Variants in KLK11 observed in about 807,000 individuals in gnomAD.
The protein encoded by KLK11 is kallikrein related peptidase 11, also known as kallikrein-11.
In KLK11, 10 loss-of-function variants were observed where a neutral mutation model predicts 23.4. The observed-to-expected ratio is 0.43, with a 90% CI of 0.26 to 0.73. The LOEUF is 0.73. KLK11 is among the 30% of genes least tolerant of loss of function. KLK11 has a pLI of 0.22. For missense variants in KLK11, 285 were observed against 327.8 expected, an observed-to-expected ratio of 0.87 and a Z score of 1.01; for synonymous variants, 131 against 131.7, an observed-to-expected ratio of 0.99 and a Z score of 0.03.
rs754022381 is a variant in KLK11, at chr19:51,025,326, G to A, written c.40+266C>T. On this transcript the variant is annotated intron_variant, in intron 2 of 5. Transcript: ENST00000453757. The surrounding 1 kb of genome is among the most constrained non-coding windows in gnomAD (Gnocchi z 6.2). ...TGGTTGGTCAGTAGCCCCTGTCCTG[G>A]GCGCTTTGAGTGACTGCTCCCCCAA... Among the ~76,000 whole-genome samples the A allele has an allele frequency of 6.6e-6, 1 of 151,378 alleles. No individual in the cohort carries two copies. The highest frequency in any genetic ancestry group is 1.5e-5 in the Non-Finnish European group (1 of 67,910).
intron 5 of KLK11, 69 bp downstream of exon 5, chr19:51,023,023 G>A: frequency 6.6e-7 from 1 of 1,511,566 alleles, no homozygotes; most frequent in Non-Finnish European, 9.0e-7. Flanking sequence ...GGATGAAATT[G>A]TGGATGTCGG....
intron 1 of KLK11, among the ~76,000 whole-genome samples, chr19:51,026,307 C>T (rs1476947431): frequency 1.3e-5 from 2 of 151,732 alleles, no homozygotes; most frequent in Non-Finnish European, 2.9e-5. Context: ...CCCTGGCCAG[C>T]GGGGGTGGGA....
Position 51,022,553 on chromosome 19 carries a change from T to C in KLK11, c.745A>G (p.Asn249Asp), listed in dbSNP as rs2091416315. ...TGGTGGGTGGGTCCAGTCTAATTGT[T>C]CTTCATCGTCTCCTGGATCCAGTCC... Reference protein sequence around the residue: ...YVDWIQETMKNN With the variant: ...YVDWIQETMKDN The change falls in exon 6 of 6, where the codon AAC becomes GAC. Residue 249 changes from asparagine (N) to aspartate (D), a missense_variant. Asn to Asp is a conservative substitution (Grantham distance 23, BLOSUM62 1). Coordinates refer to ENST00000453757, the MANE Select transcript of KLK11 (RefSeq NM_001136032.3). The C allele has an allele frequency of 1.2e-6, 2 of 1,613,952 alleles. No individual in the cohort carries two copies. The highest frequency in any genetic ancestry group is 2.7e-5 in the African/African-American group (2 of 74,904).
At position 51,024,582 on chromosome 19, in the gene KLK11, T is replaced by C. The variant is rs1375020501; in HGVS notation, c.197+56A>G. ...ACCCCTATCCCTGAGCTTCTCTCCA[T>C]CCATCTCCCCATTCCCAGCCCCCCA... is the stretch of plus-strand genomic sequence containing the variant. On this transcript the variant is annotated intron_variant, in intron 3 of 5. Coordinates refer to ENST00000453757, the MANE Select transcript of KLK11 (RefSeq NM_001136032.3). The surrounding 1 kb of genome is among the most constrained non-coding windows in gnomAD (Gnocchi z 6.2). 1.4e-6 allele frequency: 2 copies of C among 1,436,980 alleles called. No homozygotes were observed. The highest frequency in any genetic ancestry group is 1.8e-6 in the Non-Finnish European group (2 of 1,087,940). The allele number at this position is 1,436,980 out of a possible 1,614,324, so 89.0% of individuals were successfully genotyped here.
In KLK11 at chr19:51,025,642, G is replaced by A. The variant is rs368774258; in HGVS notation, c.-11C>T. ...CTGCAGAATCCTCATGGCCTGGAGG[G>A]GGGAGGAGCGGGCCCCAGGTTCCTC... On this transcript the variant is annotated 5_prime_UTR_variant, in exon 2 of 6. Transcript: ENST00000453757. This position sits in a 1 kb window ranked among gnomAD's most constrained non-coding sequence, Gnocchi z 6.2. The A allele has an allele frequency of 1.6e-4, 247 of 1,585,380 alleles. No homozygotes were observed. Among genetic ancestry groups the A allele is most frequent in the Non-Finnish European group, 1.8e-4 (211 of 1,165,844 alleles).
Position 51,024,004 on chromosome 19 carries a change from T to C in KLK11, c.463+41A>G. 2.1e-6 allele frequency: 3 copies of C among 1,451,928 alleles called. No individual in the cohort carries two copies. Among genetic ancestry groups the C allele is most frequent in the Non-Finnish European group, 2.8e-6 (3 of 1,087,956 alleles). 89.9% of individuals were successfully genotyped at this position (1,451,928 alleles called of 1,614,324 possible). On this transcript the variant is annotated intron_variant, in intron 4 of 5. Coordinates refer to ENST00000453757, the MANE Select transcript of KLK11 (RefSeq NM_001136032.3). The surrounding 1 kb of genome is among the most constrained non-coding windows in gnomAD (Gnocchi z 6.2). ...CCCTTCCACAATCCTGACCACTCCCTCCTCACCACCCCCTGCCAGGTTCCC... is the reference window on the plus strand; with the variant it reads ...CCCTTCCACAATCCTGACCACTCCCCCCTCACCACCCCCTGCCAGGTTCCC...
rs2091488587 is a variant in KLK11, at chr19:51,026,543, C to A, written c.-41G>T. The A allele has an allele frequency of 8.1e-6, 8 of 986,030 alleles. No individual in the cohort carries two copies. The South Asian group carries it at 2.8e-4, about 35-fold the overall frequency. The allele number at this position is 986,030 out of a possible 1,614,324, so 61.1% of individuals were successfully genotyped here. On this transcript the variant is annotated 5_prime_UTR_variant, in exon 1 of 6. Coordinates refer to ENST00000453757, the MANE Select transcript of KLK11 (RefSeq NM_001136032.3). Reference sequence around the variant, plus strand: ...CCCTTTCCTCCTGGACTCACAGGCTCTGGGGCTGGGGCTCTGGGGGCCCAG... The same window carrying A: ...CCCTTTCCTCCTGGACTCACAGGCTATGGGGCTGGGGCTCTGGGGGCCCAG...
chr19:51,026,268 G>A (rs887419382), intron 1 of KLK11, among the ~76,000 whole-genome samples: 5 of 152,048 alleles, frequency 3.3e-5, no homozygotes, highest in African/African-American at 1.2e-4. Context: ...GGCGGGGCTG[G>A]TCGAGGGGAG....
At position 51,025,719 on chromosome 19, in the gene KLK11, G is replaced by C. The variant is rs145926421; in HGVS notation, c.-35-53C>G. 238 of 716,400 alleles carry C rather than the reference G, an allele frequency of 3.3e-4. No individual in the cohort carries two copies. The highest frequency in any genetic ancestry group is 1.3e-3 in the African/African-American group (73 of 55,084). The allele number at this position is 716,400 out of a possible 1,614,324, so 44.4% of individuals were successfully genotyped here. ...CATCACTTTACGGGGAAATCGGGAG[G>C]GGGGGGCTGGCTCATGCCCTCTCCT... On this transcript the variant is annotated intron_variant, in intron 1 of 5. Transcript: ENST00000453757. The surrounding 1 kb of genome is among the most constrained non-coding windows in gnomAD (Gnocchi z 6.2).
chr19:51,027,471 C>T (rs775283417), upstream of KLK11: 18 of 1,613,948 alleles, frequency 1.1e-5, no homozygotes, highest in Non-Finnish European at 1.5e-5. Context: ...TGCTGTGAGA[C>T]CTCTGCCCGA....
Position 51,022,684 on chromosome 19 carries a change from C to T in KLK11, c.614G>A (p.Gly205Asp), listed in dbSNP as rs201449261. ...AAGAGACTGGTTACAGACCAGAGGG[C>T]CCCCGGAGTCACCCTGGGCACGGGG... The part of the protein sequence containing the change: ...GKDSCQGDSG[G>D]PLVCNQSLQG... The change falls in exon 6 of 6, where the codon GGC becomes GAC. Residue 205 changes from glycine (G) to aspartate (D), a missense_variant. By Grantham distance (94) the Gly-to-Asp change is moderately conservative. Transcript: ENST00000453757. 1.2e-6 allele frequency: 2 copies of T among 1,612,906 alleles called. No homozygotes were observed. The highest frequency in any genetic ancestry group is 1.7e-5 in the Admixed American group (1 of 60,018).
Position 51,023,162 on chromosome 19 carries a change from G to T in KLK11, c.530C>A (p.Ala177Asp). ...GGTGTCTGTGATGTTGCCGGGGTAG[G>T]CGTTCTCACACTTCTGGTGCTCAAT... Reference protein sequence around the residue: ...TIIEHQKCENAYPGNITDTMV... With the variant: ...TIIEHQKCENDYPGNITDTMV... The change falls in exon 5 of 6, where the codon GCC becomes GAC. Residue 177 changes from alanine to aspartate, a missense_variant. Physicochemically the swap from Ala to Asp is moderately radical, Grantham distance 126 (BLOSUM62 -2). Transcript: ENST00000453757. 3.7e-6 allele frequency: 6 copies of T among 1,613,706 alleles called. No individual in the cohort carries two copies. The highest frequency in any genetic ancestry group is 5.1e-6 in the Non-Finnish European group (6 of 1,179,892).
chr19:51,025,504 C>T lies in KLK11; in HGVS notation c.40+88G>A. ...TATGGGTTGTTCTGTAATTTGGAATCAGCCCTGTCACTGTCCAGACACAGA... is the reference window on the plus strand; with the variant it reads ...TATGGGTTGTTCTGTAATTTGGAATTAGCCCTGTCACTGTCCAGACACAGA... On this transcript the variant is annotated intron_variant, in intron 2 of 5. Transcript: ENST00000453757. This position sits in a 1 kb window ranked among gnomAD's most constrained non-coding sequence, Gnocchi z 6.2. 1.2e-6 allele frequency: 1 copy of T among 852,942 alleles called. No homozygotes were observed. Among genetic ancestry groups the T allele is most frequent in the Non-Finnish European group, 1.7e-6 (1 of 573,016 alleles). The allele number at this position is 852,942 out of a possible 1,614,324, so 52.8% of individuals were successfully genotyped here.
chr19:51,022,922 G>A (rs189395137), intron 5 of KLK11, among the ~76,000 whole-genome samples, 170 bp downstream of exon 5: 2 of 152,256 alleles, frequency 1.3e-5, no homozygotes, highest in East Asian at 3.9e-4. Flanking sequence ...GTGTGGAAAC[G>A]GGGATGGAGC....
chr19:51,025,478 T>C lies in KLK11; in HGVS notation c.40+114A>G. The C allele has an allele frequency of 1.6e-6, 1 of 634,262 alleles. No individual in the cohort carries two copies. Among genetic ancestry groups the C allele is most frequent in the Non-Finnish European group, 2.6e-6 (1 of 385,916 alleles). The allele number at this position is 634,262 out of a possible 1,614,324, so 39.3% of individuals were successfully genotyped here. On this transcript the variant is annotated intron_variant, in intron 2 of 5. Transcript: ENST00000453757. This position sits in a 1 kb window ranked among gnomAD's most constrained non-coding sequence, Gnocchi z 6.2. ...TGACCACTGCTCCAGTTCAGGTGCC[T>C]TATGGGTTGTTCTGTAATTTGGAAT...
At chr19:51,026,761 T>A, upstream of KLK11, 2 of 194,728 alleles carry the variant, frequency 1.0e-5, no homozygotes, top group Non-Finnish European at 1.9e-5. Flanking sequence ...TCTGAGGCAC[T>A]GGCTGCCTGC....
intron 4 of KLK11, 65 bp downstream of exon 4, chr19:51,023,980 C>G: frequency 1.5e-5 from 19 of 1,300,588 alleles, no homozygotes; most frequent in Non-Finnish European, 1.8e-5. Flanking sequence ...TGCCCTGAAC[C>G]CTTCCACAAT....
chr19:51,026,486 A>G, intron 1 of KLK11, 52 bp downstream of exon 1: 1 of 815,906 alleles, frequency 1.2e-6, no homozygotes, highest in Non-Finnish European at 1.5e-6. Flanking sequence ...GTCCTTGGGG[A>G]GGGCTGACAC....
chr19:51,023,488 G>A (rs1045732515), intron 4 of KLK11: 10 of 363,824 alleles, frequency 2.7e-5, no homozygotes, highest in Non-Finnish European at 5.0e-5. Context: ...AAGTTTAAGC[G>A]ATTCTCCTGC....
Sources: allele counts gnomAD v4.1 joint callset (sites outside exome capture counted in the v4.1 genomes callset), GRCh38; gene constraint gnomAD v4.1.1; non-coding constraint Gnocchi (gnomAD v3.1); transcripts MANE v1.5; gene names NCBI Gene and HGNC (gene_info 2026-07-23, HGNC 2026-07-21).